Variants in HAGH observed in about 807,000 individuals in gnomAD.
The protein encoded by HAGH is hydroxyacylglutathione hydrolase, mitochondrial.
HAGH carries 29 observed loss-of-function variants against 35.1 expected under a neutral mutation model. That is an observed-to-expected ratio of 0.83 (90% CI 0.62 to 1.13). The LOEUF (loss-of-function observed/expected upper bound fraction) is 1.13, where lower values mean the gene tolerates loss of function less well. Among genes scored for constraint, HAGH ranks in the 50% most tolerant of loss-of-function variants. The probability of loss-of-function intolerance (pLI) is 0.00; values close to 1 mark genes in which losing one functional copy is unlikely to be tolerated. For missense variants in HAGH, 478 were observed against 419.6 expected (o/e 1.14, Z -1.22); for synonymous variants, 225 against 176.1 (o/e 1.28, Z -2.20).
intron 8 of HAGH, 73 bp from the exon 9 acceptor site, chr16:1,809,455 G>C (rs1404434458): frequency 7.9e-7 from 1 of 1,264,944 alleles, no homozygotes; most frequent in East Asian, 2.3e-5. Context: ...CACTGCAGAG[G>C]AAGGCGACTC....
chr16:1,824,265 C>T (rs939131146), intron 1 of HAGH, among the ~76,000 whole-genome samples: 24 of 151,852 alleles, frequency 1.6e-4, no homozygotes, highest in Middle Eastern at 6.8e-3. Context: ...TTGAACAGCA[C>T]GAATCTGAGA....
In HAGH at chr16:1,807,931, C is replaced by T. The variant is rs1446905296; in HGVS notation, c.*1352G>A. ...TAGGTCCCAGGGCCGCTCTGCCCCT[C>T]CACTCAGAAGAGTCTGTCTATAGGA... On this transcript the variant is annotated 3_prime_UTR_variant, in exon 9 of 9. Coordinates refer to ENST00000397356, the MANE Select transcript of HAGH (RefSeq NM_005326.6). The T allele has an allele frequency of 2.0e-5, 3 of 152,254 alleles. No individual in the cohort carries two copies. Among genetic ancestry groups the T allele is most frequent in the African/African-American group, 7.2e-5 (3 of 41,456 alleles). 9.4% of individuals were successfully genotyped at this position (152,254 alleles called of 1,614,324 possible). A position where few individuals can be genotyped will look rare whatever the true frequency, so the allele number is the denominator to read the frequency against.
upstream of HAGH, chr16:1,826,950 C>T (rs572036965): frequency 7.1e-4 from 444 of 624,908 alleles, 4 homozygotes; most frequent in African/African-American, 4.7e-3. Flanking sequence ...CTTGTTTTGT[C>T]CGCGAGCCCC....
Position 1,823,004 on chromosome 16 carries a change from T to C in HAGH, c.110A>G (p.Asp37Gly). 6.2e-7 allele frequency: 1 copy of C among 1,613,916 alleles called. No homozygotes were observed. The highest frequency in any genetic ancestry group is 1.3e-5 in the African/African-American group (1 of 75,060). ...GTCCACGGTCAGGTTCTTCCGCAAA[T>C]CTGTGTGGCAGAAAACTCCCAGCAG... ...PALLGVFCHT[D>G]LRKNLTVDEG... The change falls in exon 2 of 9, where the codon GAT becomes GGT. Residue 37 changes from aspartate (D) to glycine (G), a missense_variant. Transcript: ENST00000397356.
At chr16:1,818,144 T>C (rs1333358886) in intron 5 of HAGH, among the ~76,000 whole-genome samples, 1 of 152,152 alleles carries the variant, frequency 6.6e-6, no homozygotes, top group African/African-American at 2.4e-5. Context: ...ACTTGGGGCC[T>C]GGGGCTTCTG....
chr16:1,822,977 T>C lies in HAGH; in HGVS notation c.137A>G (p.Glu46Gly), dbSNP rs1002687580. ...TDLRKNLTVD[E>G]GTMKVEVLPA... is the part of the protein sequence containing the mutation. ...CAGCACCTCTACCTTCATGGTGCCC[T>C]CGTCCACGGTCAGGTTCTTCCGCAA... is the stretch of plus-strand genomic sequence containing the variant. The change falls in exon 2 of 9, where the codon GAG becomes GGG. Residue 46 changes from glutamate (E) to glycine (G), a missense_variant. Glu to Gly is a moderately conservative substitution (Grantham distance 98). Coordinates refer to ENST00000397356, the MANE Select transcript of HAGH (RefSeq NM_005326.6). The C allele has an allele frequency of 5.6e-6, 9 of 1,613,846 alleles. No individual in the cohort carries two copies. The highest frequency in any genetic ancestry group is 1.3e-5 in the African/African-American group (1 of 75,064).
At chr16:1,816,860 A>C (rs1897914600) in intron 7 of HAGH, 33 bp downstream of exon 7, 3 of 1,353,426 alleles carry the variant, frequency 2.2e-6, no homozygotes, top group Non-Finnish European at 3.2e-6. Context: ...AGCAGCCCAC[A>C]GGAAGGCACT....
intron 1 of HAGH, chr16:1,826,508 T>G: frequency 1.0e-6 from 1 of 963,440 alleles, no homozygotes; most frequent in Non-Finnish European, 1.2e-6. Flanking sequence ...CCTGCTTACC[T>G]AGCGCTTTCC....
chr16:1,811,838 G>T (rs12719795), intron 7 of HAGH, among the ~76,000 whole-genome samples: 117,197 of 152,130 alleles, frequency 0.77, 45,229 homozygotes, highest in Middle Eastern at 0.86. Flanking sequence ...TCCCTCCTAT[G>T]GGGATTGGTA....
At position 1,822,339 on chromosome 16, in the gene HAGH, C is replaced by T; in HGVS notation, c.275G>A (p.Gly92Glu). Residue 92 changes from glycine to glutamate, a missense_variant, in exon 3 of 9, where the codon GGG becomes GAG. Gly to Glu is a moderately conservative substitution (Grantham distance 98). Coordinates refer to ENST00000397356, the MANE Select transcript of HAGH (RefSeq NM_005326.6). The part of the protein sequence containing the change: ...QKVVDAARKH[G>E]VKLTTVLTTH... ...GGTGAGCACTGTGGTCAGTTTCACC[C>T]CGTGCTTTCTCGCCGCGTCCACGAC... The T allele has an allele frequency of 6.2e-7, 1 of 1,612,228 alleles. No homozygotes were observed. Among genetic ancestry groups the T allele is most frequent in the Non-Finnish European group, 8.5e-7 (1 of 1,179,196 alleles).
chr16:1,827,048 C>A, upstream of HAGH: 1 of 852,508 alleles, frequency 1.2e-6, no homozygotes, highest in Non-Finnish European at 1.7e-6. Flanking sequence ...GCCTCCGCCT[C>A]TTTTTTGGCA....
chr16:1,816,550 C>T (rs779874229), intron 7 of HAGH, among the ~76,000 whole-genome samples: 7 of 152,052 alleles, frequency 4.6e-5, no homozygotes, highest in African/African-American at 1.7e-4. Flanking sequence ...GTGGGGCCAC[C>T]GTGGAGATAA....
intron 7 of HAGH, 29 bp from the exon 8 acceptor site, chr16:1,809,862 G>A (rs777582303): frequency 1.8e-5 from 28 of 1,559,060 alleles, no homozygotes; most frequent in East Asian, 6.7e-5. Flanking sequence ...ACTTTATCAC[G>A]GGAACTTCAC....
intron 7 of HAGH, 45 bp downstream of exon 7, chr16:1,816,848 T>C: frequency 1.6e-6 from 2 of 1,239,408 alleles, no homozygotes; most frequent in Non-Finnish European, 1.2e-6. Flanking sequence ...ACAGCGGCCC[T>C]GAGCAGCCCA....
At position 1,826,815 on chromosome 16, in the gene HAGH, T is replaced by G; in HGVS notation, c.-28A>C. On this transcript the variant is annotated 5_prime_UTR_variant, in exon 1 of 9. Transcript: ENST00000397356. ...CCCGGGCCGGGCTGGACTGCCGAGC[T>G]GCCCAGGACTGCAAAACACCGGCGT... is the stretch of plus-strand genomic sequence containing the variant. 2 of 1,200,708 alleles carry G rather than the reference T, an allele frequency of 1.7e-6. No individual in the cohort carries two copies. Among genetic ancestry groups the G allele is most frequent in the Non-Finnish European group, 2.1e-6 (2 of 958,902 alleles). The allele number at this position is 1,200,708 out of a possible 1,614,324, so 74.4% of individuals were successfully genotyped here.
intron 1 of HAGH, among the ~76,000 whole-genome samples, chr16:1,826,329 C>T (rs1380542133): frequency 6.6e-6 from 1 of 150,512 alleles, no homozygotes; most frequent in Non-Finnish European, 1.5e-5. Flanking sequence ...TGCAGCGGGG[C>T]AGCAGGTGCG....
In HAGH at chr16:1,826,734, G is replaced by T. The variant is rs1898451515; in HGVS notation, c.54C>A (p.Ala18=). The T allele has an allele frequency of 1.7e-6, 2 of 1,175,882 alleles. No individual in the cohort carries two copies. Among genetic ancestry groups the T allele is most frequent in the Non-Finnish European group, 2.1e-6 (2 of 952,550 alleles). The allele number at this position is 1,175,882 out of a possible 1,614,324, so 72.8% of individuals were successfully genotyped here. The change falls in exon 1 of 9, where the codon GCC becomes GCA. Residue 18 remains alanine, a synonymous_variant. Transcript: ENST00000397356. ...LGRRSLAALG[A]ACARRGLGPA... ...CACCGAGGCCTCGGCGGGCGCAGGC[G>T]GCTCCCAGCGCGGCGAGGCTGCGGC...
At chr16:1,817,317 G>T in intron 5 of HAGH, 46 bp from the exon 6 acceptor site, 1 of 1,222,934 alleles carries the variant, frequency 8.2e-7, no homozygotes, top group Non-Finnish European at 1.2e-6. Context: ...TGAGGCTGGT[G>T]GCTAGGACTC....
intron 7 of HAGH, among the ~76,000 whole-genome samples, chr16:1,816,207 A>C (rs913800679): frequency 7.1e-6 from 1 of 140,590 alleles, no homozygotes; most frequent in African/African-American, 2.6e-5. Flanking sequence ...CCGTCTCAAA[A>C]AAAAATTAAA....
Sources: allele counts gnomAD v4.1 joint callset (sites outside exome capture counted in the v4.1 genomes callset), GRCh38; gene constraint gnomAD v4.1.1; transcripts MANE v1.5; gene names NCBI Gene and HGNC (gene_info 2026-07-23, HGNC 2026-07-21).